The following PARVA variants were observed in gnomAD, a reference collection of about 807,000 sequenced individuals.
PARVA encodes parvin alpha.
PARVA carries 25 observed loss-of-function variants against 52.6 expected under a neutral mutation model. The ratio of observed to expected loss-of-function variants is 0.48; its 90% CI spans 0.35 to 0.66. PARVA has a LOEUF of 0.66. Among genes scored for constraint, PARVA ranks in the 30% least tolerant of loss-of-function variants. The pLI is 0.01. For synonymous variants in PARVA, 185 were observed against 179.1 expected, an observed-to-expected ratio of 1.03 and a Z score of -0.26; for missense variants, 373 against 450.9, an observed-to-expected ratio of 0.83 and a Z score of 1.56.
chr11:12,392,737 A>G (rs892864058), intron 1 of PARVA, among the ~76,000 whole-genome samples: 8 of 152,222 alleles, frequency 5.3e-5, no homozygotes, highest in African/African-American at 1.9e-4. Context: ...GTATATACCT[A>G]GGAGTATACA....
At chr11:12,462,307 G>C (rs571341005) in intron 1 of PARVA, among the ~76,000 whole-genome samples, 60 of 152,252 alleles carry the variant, frequency 3.9e-4, no homozygotes, top group African/African-American at 1.3e-3. Context: ...AGATTGGCCT[G>C]GATTATTCAG....
rs2135036649 is a variant in PARVA, at chr11:12,474,097, G to A, written c.297+114G>A. ...CCCTGAGAGAAGGTAAAAAGTCATG[G>A]CAGCCCCTGCCTCAGGCAGTGAGTT... On this transcript the variant is annotated intron_variant, in intron 3 of 12. Transcript: ENST00000334956. The A allele has an allele frequency of 3.7e-6, 3 of 800,128 alleles. 1 individual carries two copies. The South Asian group carries it at 4.5e-5, about 12-fold the overall frequency. The allele number at this position is 800,128 out of a possible 1,614,324, so 49.6% of individuals were successfully genotyped here. A position where few individuals can be genotyped will look rare whatever the true frequency, so the allele number is the denominator to read the frequency against.
chr11:12,508,573 C>T lies in PARVA; in HGVS notation c.658-11C>T, dbSNP rs374973070. On this transcript the variant is annotated splice_polypyrimidine_tract_variant and intron_variant, in intron 6 of 12. Coordinates refer to ENST00000334956, the MANE Select transcript of PARVA (RefSeq NM_018222.5). ...TTCTCCTCCCAACCCCTTTCCCCAC[C>T]CCCATTTCAGAAACGAGAAGGAATC... The T allele has an allele frequency of 1.8e-5, 29 of 1,603,930 alleles. No individual in the cohort carries two copies. In the African/African-American group the frequency reaches 3.1e-4, roughly 17 times the overall value.
At chr11:12,385,677 A>T (rs148330896) in intron 1 of PARVA, among the ~76,000 whole-genome samples, 82 of 152,330 alleles carry the variant, frequency 5.4e-4, no homozygotes, top group African/African-American at 1.6e-3. Flanking sequence ...CAGAGACAAT[A>T]GGTCAATTAA....
chr11:12,467,882 G>C (rs1378715155), intron 1 of PARVA, among the ~76,000 whole-genome samples: 1 of 152,118 alleles, frequency 6.6e-6, no homozygotes, highest in Non-Finnish European at 1.5e-5. Context: ...TAACACTCTG[G>C]AACCCCGCCC....
At position 12,530,559 on chromosome 11, in the gene PARVA, C is replaced by T. The variant is rs1167466167; in HGVS notation, c.*2634C>T. On this transcript the variant is annotated 3_prime_UTR_variant, in exon 13 of 13. Coordinates refer to ENST00000334956, the MANE Select transcript of PARVA (RefSeq NM_018222.5). Reference sequence around the variant, plus strand: ...TGGAAAACCTAAGCCTCCCTCTCTCCTCCGGCACCCATTACCTCTCCCTGG... The same window carrying T: ...TGGAAAACCTAAGCCTCCCTCTCTCTTCCGGCACCCATTACCTCTCCCTGG... The T allele has an allele frequency of 6.6e-6, 1 of 152,126 alleles. No individual in the cohort carries two copies. The highest frequency in any genetic ancestry group is 1.5e-5 in the Non-Finnish European group (1 of 68,034). The allele number at this position is 152,126 out of a possible 1,614,324, so 9.4% of individuals were successfully genotyped here. A position where few individuals can be genotyped will look rare whatever the true frequency, so the allele number is the denominator to read the frequency against.
intron 1 of PARVA, among the ~76,000 whole-genome samples, chr11:12,470,595 C>T (rs999937881): frequency 2.0e-5 from 3 of 152,130 alleles, no homozygotes; most frequent in African/African-American, 7.2e-5. Flanking sequence ...AGAAATAGTG[C>T]CAGTCCTTAC....
chr11:12,523,228 G>A (rs981635498), intron 12 of PARVA, among the ~76,000 whole-genome samples: 1 of 152,170 alleles, frequency 6.6e-6, no homozygotes, highest in Non-Finnish European at 1.5e-5. Flanking sequence ...TGCCCCGGTG[G>A]GGAATAGAGA....
intron 5 of PARVA, among the ~76,000 whole-genome samples, chr11:12,499,495 C>T (rs532905497): frequency 6.6e-6 from 1 of 151,154 alleles, no homozygotes; most frequent in Non-Finnish European, 1.5e-5. Context: ...TTACAAAGTG[C>T]AGATAAATTT....
At chr11:12,469,923 C>A (rs1940911133) in intron 1 of PARVA, among the ~76,000 whole-genome samples, 1 of 152,122 alleles carries the variant, frequency 6.6e-6, no homozygotes, top group Admixed American at 6.5e-5. Context: ...GGAGTCCTGG[C>A]TTCAAATATT....
At chr11:12,487,617 C>CTT (rs1227968466) in intron 4 of PARVA, among the ~76,000 whole-genome samples, 2 of 152,112 alleles carry the variant, frequency 1.3e-5, no homozygotes, top group African/African-American at 2.4e-5. Context: ...AATAGCCCTG[C>CTT]TTGAAGATCC....
At chr11:12,518,860 G>C (rs901242036) in intron 12 of PARVA, among the ~76,000 whole-genome samples, 1 of 152,224 alleles carries the variant, frequency 6.6e-6, no homozygotes, top group African/African-American at 2.4e-5. Flanking sequence ...CCGCCAGTCG[G>C]GGTGAAGGTG....
intron 1 of PARVA, among the ~76,000 whole-genome samples, chr11:12,428,970 G>T (rs1287089091): frequency 6.6e-6 from 1 of 152,068 alleles, no homozygotes; most frequent in African/African-American, 2.4e-5. Flanking sequence ...ATCAAATCAG[G>T]TTCAGAGTTT....
chr11:12,438,885 G>T (rs1940423967), intron 1 of PARVA, among the ~76,000 whole-genome samples: 2 of 152,146 alleles, frequency 1.3e-5, no homozygotes, highest in South Asian at 4.1e-4. Flanking sequence ...ACATTTGCTG[G>T]ATCAATTCCA....
At chr11:12,446,643 G>C (rs770048559) in intron 1 of PARVA, among the ~76,000 whole-genome samples, 9 of 152,202 alleles carry the variant, frequency 5.9e-5, no homozygotes, top group Non-Finnish European at 1.2e-4. Context: ...GGTTCACTTT[G>C]TAAGTATGTG....
intron 1 of PARVA, among the ~76,000 whole-genome samples, chr11:12,434,711 C>G (rs1301129354): frequency 6.6e-6 from 1 of 152,180 alleles, no homozygotes; most frequent in Admixed American, 6.5e-5. Flanking sequence ...CCCTCCCAAC[C>G]CAGCCTGGTT....
chr11:12,442,947 C>T (rs555899497), intron 1 of PARVA, among the ~76,000 whole-genome samples: 2 of 145,598 alleles, frequency 1.4e-5, no homozygotes, highest in Non-Finnish European at 3.1e-5. Context: ...CTGCAAGTTC[C>T]GCCTCCCGGG....
chr11:12,417,641 C>T (rs1386794360), intron 1 of PARVA, among the ~76,000 whole-genome samples: 1 of 152,070 alleles, frequency 6.6e-6, no homozygotes, highest in Non-Finnish European at 1.5e-5. Context: ...CTCTGCAAGA[C>T]TGAAAAATGC....
intron 1 of PARVA, among the ~76,000 whole-genome samples, chr11:12,443,471 A>G (rs1012809732): frequency 6.6e-6 from 1 of 152,078 alleles, no homozygotes; most frequent in African/African-American, 2.4e-5. Flanking sequence ...CACCTGGCCA[A>G]CTTGACTTCT....
Sources: gnomAD v4.1 joint callset for allele counts (sites outside exome capture counted in the v4.1 genomes callset) on GRCh38, gnomAD v4.1.1 for gene constraint, MANE v1.5 for transcripts, NCBI Gene and HGNC (gene_info 2026-07-23, HGNC 2026-07-21) for gene names.